TMEM132C: variants seen among roughly 807,000 people sequenced by gnomAD.
TMEM132C encodes the protein transmembrane protein 132C, also known as protein phosphatase 1, regulatory subunit 152.
In TMEM132C, 29 loss-of-function variants were observed where a neutral mutation model predicts 61.4. The ratio of observed to expected loss-of-function variants is 0.47; its 90% confidence interval spans 0.35 to 0.64. The LOEUF (loss-of-function observed/expected upper bound fraction) is 0.64, where lower values mean the gene tolerates loss of function less well. TMEM132C is among the 30% of genes least tolerant of loss of function. TMEM132C has a pLI of 0.00. For missense variants in TMEM132C, 1,408 were observed against 1,476.9 expected (o/e 0.95, Z 0.76); for synonymous variants, 656 against 633.1 (o/e 1.04, Z -0.54).
At chr12:128,367,885 T>A (rs1873915423) in intron 1 of TMEM132C, among the ~76,000 whole-genome samples, 1 of 152,218 alleles carries the variant, frequency 6.6e-6, no homozygotes, top group Non-Finnish European at 1.5e-5. Context: ...TACTAGGAAA[T>A]ATACTATTAT....
chr12:128,643,081 C>A (rs1478164506), intron 4 of TMEM132C, among the ~76,000 whole-genome samples: 1 of 152,192 alleles, frequency 6.6e-6, no homozygotes, highest in Non-Finnish European at 1.5e-5. Context: ...ATGGCGTCGA[C>A]GCACCAGTTC....
At chr12:128,409,721 C>G (rs1050370507) in intron 1 of TMEM132C, among the ~76,000 whole-genome samples, 1 of 152,140 alleles carries the variant, frequency 6.6e-6, no homozygotes, top group Non-Finnish European at 1.5e-5. Context: ...AGTTTACACC[C>G]CAATCAGTAT....
intron 3 of TMEM132C, among the ~76,000 whole-genome samples, chr12:128,590,803 G>A (rs750875244): frequency 5.9e-5 from 9 of 152,082 alleles, no homozygotes; most frequent in Non-Finnish European, 1.3e-4. Flanking sequence ...TTAAAGACAG[G>A]GCCTCGCTCT....
At chr12:128,277,024 G>T (rs1413770614) in intron 1 of TMEM132C, among the ~76,000 whole-genome samples, 1 of 152,108 alleles carries the variant, frequency 6.6e-6, no homozygotes, top group Non-Finnish European at 1.5e-5. Flanking sequence ...CCTAAACAAG[G>T]TATTCCTGAA....
At chr12:128,378,197 C>T (rs548374911) in intron 1 of TMEM132C, among the ~76,000 whole-genome samples, 14 of 152,042 alleles carry the variant, frequency 9.2e-5, no homozygotes, top group East Asian at 1.9e-4. Flanking sequence ...TCACTGCAAG[C>T]TCCGCCTCCC....
chr12:128,377,400 G>A (rs1229184639), intron 1 of TMEM132C, among the ~76,000 whole-genome samples: 2 of 152,070 alleles, frequency 1.3e-5, no homozygotes, highest in African/African-American at 2.4e-5. Context: ...TTGCCTCAGC[G>A]GGCTCACTAC....
chr12:128,423,231 G>T (rs547466004), intron 2 of TMEM132C, among the ~76,000 whole-genome samples: 3 of 152,330 alleles, frequency 2.0e-5, no homozygotes, highest in Admixed American at 2.0e-4. Context: ...GCAAGGAGCT[G>T]CTTCTCAGCT....
chr12:128,678,599 C>T (rs1284376184), intron 5 of TMEM132C, among the ~76,000 whole-genome samples: 2 of 152,194 alleles, frequency 1.3e-5, no homozygotes, highest in Non-Finnish European at 2.9e-5. Context: ...GTCAACTCTT[C>T]CTCCTACCCA....
chr12:128,420,349 T>A (rs1375688391), intron 2 of TMEM132C, among the ~76,000 whole-genome samples: 2 of 152,170 alleles, frequency 1.3e-5, no homozygotes, highest in African/African-American at 4.8e-5. Flanking sequence ...GGCATTTGAA[T>A]CAAGCATGGT....
chr12:128,683,216 C>G (rs886773749), intron 5 of TMEM132C, among the ~76,000 whole-genome samples: 1 of 152,212 alleles, frequency 6.6e-6, no homozygotes, highest in Non-Finnish European at 1.5e-5. Flanking sequence ...CTGCCCGGCC[C>G]TCTACAGAGT....
intron 5 of TMEM132C, among the ~76,000 whole-genome samples, chr12:128,678,758 G>A (rs1204277933): frequency 6.6e-6 from 1 of 152,188 alleles, no homozygotes; most frequent in Non-Finnish European, 1.5e-5. Flanking sequence ...TGTACATCCT[G>A]CGATTCCAGG....
chr12:128,666,866 C>G (rs898814402), intron 4 of TMEM132C, among the ~76,000 whole-genome samples: 1 of 152,158 alleles, frequency 6.6e-6, no homozygotes, highest in African/African-American at 2.4e-5. Context: ...GTCAGGAGAT[C>G]GAGACCATCC....
intron 2 of TMEM132C, among the ~76,000 whole-genome samples, chr12:128,491,974 A>G (rs1434734959): frequency 3.3e-5 from 5 of 151,692 alleles, no homozygotes; most frequent in African/African-American, 7.3e-5. Context: ...TACATTAGGT[A>G]TATCTCCTAA....
intron 3 of TMEM132C, among the ~76,000 whole-genome samples, chr12:128,566,414 G>C (rs1264700971): frequency 2.0e-5 from 3 of 152,154 alleles, no homozygotes; most frequent in Admixed American, 6.6e-5. Flanking sequence ...TTGGACCTGA[G>C]AATGTTATTT....
chr12:128,392,645 G>T (rs1020492976), intron 1 of TMEM132C, among the ~76,000 whole-genome samples: 2 of 152,140 alleles, frequency 1.3e-5, no homozygotes, highest in Non-Finnish European at 2.9e-5. Context: ...CAGGCAAACA[G>T]GTGATATTCA....
Position 128,570,199 on chromosome 12 carries a change from C to T in TMEM132C, c.1121+26096C>T, listed in dbSNP as rs1357090980. On this transcript the variant is annotated intron_variant, in intron 3 of 8. Transcript: ENST00000435159. The surrounding 1 kb of genome is among the most constrained non-coding windows in gnomAD (Gnocchi z 4.7). Reference sequence around the variant, plus strand: ...AAATTCAAGGGCTGAAAAATATCTACACCTCCCCACCCCCGCACCCCCCAC... The same window carrying T: ...AAATTCAAGGGCTGAAAAATATCTATACCTCCCCACCCCCGCACCCCCCAC... 6.6e-6 allele frequency among the ~76,000 whole-genome samples: 1 copy of T among 152,086 alleles called. No individual in the cohort carries two copies. Among genetic ancestry groups the T allele is most frequent in the Non-Finnish European group, 1.5e-5 (1 of 68,020 alleles).
intron 2 of TMEM132C, among the ~76,000 whole-genome samples, chr12:128,536,341 T>C (rs1873525310): frequency 1.3e-5 from 2 of 151,288 alleles, no homozygotes; most frequent in South Asian, 4.2e-4. Flanking sequence ...AATTGAACAA[T>C]GAGAACACTT....
intron 5 of TMEM132C, among the ~76,000 whole-genome samples, chr12:128,687,478 G>T (rs1443310184): frequency 1.3e-5 from 2 of 152,156 alleles, no homozygotes; most frequent in Non-Finnish European, 2.9e-5. Flanking sequence ...CCCAGACTGA[G>T]ATCCACCAGA....
At chr12:128,654,553 A>G (rs1954305044) in intron 4 of TMEM132C, among the ~76,000 whole-genome samples, 1 of 152,212 alleles carries the variant, frequency 6.6e-6, no homozygotes. Context: ...ATGACTATGT[A>G]TACAATAGTG....
Sources: allele counts gnomAD v4.1 joint callset (sites outside exome capture counted in the v4.1 genomes callset), GRCh38; gene constraint gnomAD v4.1.1; non-coding constraint Gnocchi (gnomAD v3.1); transcripts MANE v1.5; gene names NCBI Gene and HGNC (gene_info 2026-07-23, HGNC 2026-07-21).